Variants in AATF observed in about 807,000 individuals in gnomAD.
The protein encoded by AATF is protein AATF.
AATF carries 48 observed loss-of-function variants against 63.7 expected under a neutral mutation model. The ratio of observed to expected loss-of-function variants is 0.75; its 90% confidence interval spans 0.60 to 0.96. AATF has a LOEUF of 0.96. AATF is among the 40% of genes least tolerant of loss of function. The probability of loss-of-function intolerance (pLI) is 0.00; values close to 1 mark genes in which losing one functional copy is unlikely to be tolerated. For synonymous variants in AATF, 258 were observed against 247.7 expected, an observed-to-expected ratio of 1.04 and a Z score of -0.39; for missense variants, 639 against 685.7, an observed-to-expected ratio of 0.93 and a Z score of 0.76.
chr17:36,963,553 C>G (rs1423059889), intron 4 of AATF, among the ~76,000 whole-genome samples: 2 of 152,166 alleles, frequency 1.3e-5, no homozygotes, highest in Non-Finnish European at 2.9e-5. Context: ...TAAGATGATA[C>G]TCTATTGTTT....
chr17:36,987,578 G>T (rs1282799401), intron 5 of AATF, among the ~76,000 whole-genome samples: 2 of 152,068 alleles, frequency 1.3e-5, no homozygotes, highest in East Asian at 3.9e-4. Flanking sequence ...GAACTAGTTG[G>T]GAGGACAAAA....
chr17:37,017,598 G>A (rs2071438047), intron 8 of AATF, among the ~76,000 whole-genome samples: 1 of 152,188 alleles, frequency 6.6e-6, no homozygotes, highest in Non-Finnish European at 1.5e-5. Context: ...GATAAACAGG[G>A]TAGAGAAATA....
intron 4 of AATF, among the ~76,000 whole-genome samples, chr17:36,967,826 G>GGTAA (rs1025120323): frequency 6.7e-6 from 1 of 149,112 alleles, no homozygotes; most frequent in African/African-American, 2.5e-5. Context: ...AGTTGCAATT[G>GGTAA]GTAAGTCAGA....
At chr17:36,963,557 A>G (rs897266160) in intron 4 of AATF, among the ~76,000 whole-genome samples, 3 of 152,218 alleles carry the variant, frequency 2.0e-5, no homozygotes, top group South Asian at 2.1e-4. Flanking sequence ...ATGATACTCT[A>G]TTGTTTATGT....
chr17:37,016,271 G>A (rs1182878635), intron 8 of AATF, among the ~76,000 whole-genome samples: 2 of 152,152 alleles, frequency 1.3e-5, no homozygotes, highest in African/African-American at 4.8e-5. Context: ...ATAAACTAAT[G>A]TGTTCAATCT....
At chr17:37,056,529 A>T in intron 11 of AATF, 72 bp from the exon 12 acceptor site, 1 of 1,508,434 alleles carries the variant, frequency 6.6e-7, no homozygotes, top group Admixed American at 1.7e-5. Flanking sequence ...GGTATTTTCC[A>T]GCTTCTGCGT....
intron 4 of AATF, among the ~76,000 whole-genome samples, chr17:36,968,565 C>T (rs1056407338): frequency 1.3e-5 from 2 of 151,546 alleles, no homozygotes; most frequent in African/African-American, 2.4e-5. Flanking sequence ...CGTAAGCTAC[C>T]GTGGATGGCC....
At chr17:37,037,915 ACT>A in intron 11 of AATF, among the ~76,000 whole-genome samples, 1 of 151,314 alleles carries the variant, frequency 6.6e-6, no homozygotes, top group Admixed American at 6.6e-5. Context: ...CCCTGTCCCC[ACT>A]CTCTCTCTTG....
At chr17:36,995,427 C>T (rs146530117) in intron 8 of AATF, among the ~76,000 whole-genome samples, 10 of 152,016 alleles carry the variant, frequency 6.6e-5, no homozygotes, top group African/African-American at 1.4e-4. Flanking sequence ...AATTGGTGAG[C>T]GATTAATATG....
intron 4 of AATF, among the ~76,000 whole-genome samples, chr17:36,971,624 C>T (rs1010720662): frequency 2.0e-5 from 3 of 152,190 alleles, no homozygotes; most frequent in African/African-American, 7.2e-5. Context: ...AAGTCTTGTA[C>T]ATGCACGTTC....
At chr17:37,035,041 G>A (rs1056636988) in intron 11 of AATF, among the ~76,000 whole-genome samples, 4 of 150,776 alleles carry the variant, frequency 2.7e-5, no homozygotes, top group African/African-American at 7.3e-5. Flanking sequence ...GGAGAATGGC[G>A]TGAACCCAGG....
At position 36,953,748 on chromosome 17, in the gene AATF, G is replaced by A. The variant is rs745970910; in HGVS notation, c.695-22G>A. 16 of 1,604,706 alleles carry A rather than the reference G, an allele frequency of 1.0e-5. No homozygotes were observed. The South Asian group carries it at 1.0e-4, about 10-fold the overall frequency. On this transcript the variant is annotated intron_variant, in intron 3 of 11. Coordinates refer to ENST00000619387, the MANE Select transcript of AATF (RefSeq NM_012138.4). ...AGAATATTTTATTATTGAGGAATGG[G>A]ATTCTCTTTTCTTCTTTTCAGCACT...
intron 8 of AATF, among the ~76,000 whole-genome samples, chr17:37,017,737 T>C (rs1790537310): frequency 6.6e-6 from 1 of 152,182 alleles, no homozygotes; most frequent in Non-Finnish European, 1.5e-5. Context: ...CTAATTGCAA[T>C]TGAGATATCC....
In AATF at chr17:36,986,645, G is replaced by A. The variant is rs2071170901; in HGVS notation, c.861G>A (p.Arg287=). Residue 287 remains arginine (R), a synonymous_variant, in exon 5 of 12, where the codon AGG becomes AGA. Transcript: ENST00000619387. ...ACAAGGCACTTAAAGCATTGTTGAG[G>A]TCATTGGTAGGTCTTCAGGAAGAGT... ...NSHKALKALL[R]SLVGLQEELL... 1 of 1,614,100 alleles carries A rather than the reference G, an allele frequency of 6.2e-7. No individual in the cohort carries two copies. Among genetic ancestry groups the A allele is most frequent in the Non-Finnish European group, 8.5e-7 (1 of 1,180,020 alleles).
At chr17:37,016,228 T>C (rs1274116603) in intron 8 of AATF, among the ~76,000 whole-genome samples, 1 of 152,258 alleles carries the variant, frequency 6.6e-6, no homozygotes, top group Non-Finnish European at 1.5e-5. Context: ...TTTATTTTAT[T>C]CCTCAACTGT....
intron 8 of AATF, among the ~76,000 whole-genome samples, chr17:36,997,986 C>T (rs1316999471): frequency 6.6e-6 from 1 of 152,164 alleles, no homozygotes; most frequent in East Asian, 1.9e-4. Context: ...GGAAAACAAA[C>T]ATCATATGTT....
chr17:37,026,122 A>G (rs991661829), intron 10 of AATF, among the ~76,000 whole-genome samples: 3 of 152,198 alleles, frequency 2.0e-5, no homozygotes, highest in Admixed American at 1.3e-4. Context: ...ATACAAATCC[A>G]CATTGTGAGA....
chr17:36,958,539 G>A (rs2142208843), intron 4 of AATF, among the ~76,000 whole-genome samples: 1 of 152,224 alleles, frequency 6.6e-6, no homozygotes, highest in South Asian at 2.1e-4. Context: ...TAAGGAAGAA[G>A]GGAAGTTACT....
rs1464728731 is a variant in AATF at position 36,990,913 on chromosome 17, T to TATAG, written c.1398+58_1398+61dup. ...CATGTTTTAGCATTTTAAAGCAGCT[T>TATAG]ATAGAATTCTCTGAACAAAGAAGTT... On this transcript the variant is annotated intron_variant, in intron 8 of 11. Transcript: ENST00000619387. The TATAG allele has an allele frequency of 6.2e-6, 8 of 1,296,698 alleles. No homozygotes were observed. In the Admixed American group the frequency reaches 1.8e-4, roughly 30 times the overall value. The allele number at this position is 1,296,698 out of a possible 1,614,324, so 80.3% of individuals were successfully genotyped here.
Sources: gnomAD v4.1 joint callset for allele counts (sites outside exome capture counted in the v4.1 genomes callset) on GRCh38, gnomAD v4.1.1 for gene constraint, MANE v1.5 for transcripts, NCBI Gene and HGNC (gene_info 2026-07-23, HGNC 2026-07-21) for gene names.